TENM2: variants seen among roughly 807,000 people sequenced by gnomAD.
The protein encoded by TENM2 is teneurin-2.
Under a neutral mutation model 245.2 loss-of-function variants are expected in TENM2, and 52 were observed. That is an observed-to-expected ratio of 0.21 (90% CI 0.17 to 0.27). The LOEUF (loss-of-function observed/expected upper bound fraction) is 0.27, where lower values mean the gene tolerates loss of function less well. Ranked by LOEUF, TENM2 falls within the 10% of genes least tolerant of loss-of-function variation. The pLI is 1.00. For synonymous variants in TENM2, 1,363 were observed against 1,438.9 expected, an observed-to-expected ratio of 0.95 and a Z score of 1.19; for missense variants, 3,046 against 3,666.8, an observed-to-expected ratio of 0.83 and a Z score of 4.37.
chr5:168,060,368 C>T (rs748365979), intron 6 of TENM2, among the ~76,000 whole-genome samples: 13 of 152,172 alleles, frequency 8.5e-5, no homozygotes, highest in Admixed American at 2.6e-4. Flanking sequence ...GAGCTGAGAT[C>T]GTGCCACTGC....
chr5:167,204,132 G>A, the TENM2 span, among the ~76,000 whole-genome samples: 1 of 150,680 alleles, frequency 6.6e-6, no homozygotes, highest in East Asian at 2.0e-4. Flanking sequence ...ATTTGCTGCT[G>A]TTAGAGATTA....
chr5:168,198,811 A>G, intron 15 of TENM2, 42 bp from the exon 18 acceptor site: 1 of 1,597,144 alleles, frequency 6.3e-7, no homozygotes, highest in South Asian at 1.1e-5. Flanking sequence ...CTTGTCTAAA[A>G]GTGAGTCTAC....
At chr5:167,135,703 G>A in the TENM2 span, among the ~76,000 whole-genome samples, 1 of 152,144 alleles carries the variant, frequency 6.6e-6, no homozygotes, top group Non-Finnish European at 1.5e-5. Flanking sequence ...CTTGAACCCA[G>A]GCGGAGGTTG....
the TENM2 span, chr5:167,119,434 T>C: frequency 9.2e-5 from 14 of 152,168 alleles, no homozygotes; most frequent in East Asian, 1.9e-4. Flanking sequence ...ACACCTGAGA[T>C]TGGATAATAT....
intron 1 of TENM2, among the ~76,000 whole-genome samples, chr5:167,332,245 C>T (rs1356436313): frequency 6.6e-6 from 1 of 152,140 alleles, no homozygotes; most frequent in African/African-American, 2.4e-5. Context: ...TTTGTTGAGG[C>T]TCTATTTTCC....
At chr5:167,800,234 T>C (rs1765612031) in intron 2 of TENM2, among the ~76,000 whole-genome samples, 2 of 152,192 alleles carry the variant, frequency 1.3e-5, no homozygotes, top group Admixed American at 1.3e-4. Flanking sequence ...ATTTTCCTGG[T>C]TCCTGTTAGA....
intron 2 of TENM2, among the ~76,000 whole-genome samples, chr5:167,751,414 A>G (rs759222865): frequency 5.3e-5 from 8 of 152,214 alleles, no homozygotes; most frequent in Non-Finnish European, 1.0e-4. Context: ...GGCAGAGGAT[A>G]GCATGATAAT....
At chr5:167,696,050 A>G (rs1205059383) in intron 2 of TENM2, among the ~76,000 whole-genome samples, 1 of 147,466 alleles carries the variant, frequency 6.8e-6, no homozygotes, top group Non-Finnish European at 1.5e-5. Context: ...ACAAAAAAAC[A>G]AAAAAAAAAC....
At chr5:167,842,580 CAAAAAAAAAAAAAAAAA>C (rs1160974467) in intron 2 of TENM2, among the ~76,000 whole-genome samples, 21 of 45,332 alleles carry the variant, frequency 4.6e-4, no homozygotes, top group Middle Eastern at 0.037. Flanking sequence ...GACTCCATGT[CAAAAAAAAAAAAAAAAA>C]AAAAAAAAAA....
At chr5:167,691,242 T>A (rs1757414734) in intron 2 of TENM2, among the ~76,000 whole-genome samples, 1 of 152,166 alleles carries the variant, frequency 6.6e-6, no homozygotes, top group Admixed American at 6.5e-5. Flanking sequence ...AACCTTCATT[T>A]ACCTTTGGCC....
intron 2 of TENM2, among the ~76,000 whole-genome samples, chr5:167,721,758 T>C (rs879703907): frequency 9.9e-5 from 15 of 152,190 alleles, no homozygotes; most frequent in Non-Finnish European, 1.9e-4. Flanking sequence ...CTATGTAAAG[T>C]AACATATTCC....
At chr5:167,916,621 C>T (rs532597153) in intron 3 of TENM2, among the ~76,000 whole-genome samples, 2 of 152,162 alleles carry the variant, frequency 1.3e-5, no homozygotes, top group East Asian at 1.9e-4. Context: ...TCTCCCCCAG[C>T]CTTTGCCGAG....
intron 5 of TENM2, among the ~76,000 whole-genome samples, chr5:168,019,019 A>G (rs1325515099): frequency 6.6e-6 from 1 of 152,134 alleles, no homozygotes; most frequent in Non-Finnish European, 1.5e-5. Context: ...TAGAGGGGAG[A>G]TGGCATTTGA....
chr5:166,999,238 T>C, the TENM2 span, among the ~76,000 whole-genome samples: 1 of 152,146 alleles, frequency 6.6e-6, no homozygotes, highest in African/African-American at 2.4e-5. Context: ...ATATGGGATA[T>C]GGTTTTGAGA....
chr5:167,814,512 G>A (rs10043694), intron 2 of TENM2, among the ~76,000 whole-genome samples: 15,645 of 150,646 alleles, frequency 0.1, 2,769 homozygotes, highest in African/African-American at 0.36. Context: ...AGCAAAAAAG[G>A]ATAAAATTTT....
intron 2 of TENM2, chr5:167,573,928 T>TG (rs1774463102): frequency 7.4e-6 from 1 of 134,858 alleles, no homozygotes; most frequent in African/African-American, 2.8e-5. Context: ...AGGCGGGGGG[T>TG]GGACTTAGCA....
chr5:168,217,212 A>C (rs952748473), intron 22 of TENM2, among the ~76,000 whole-genome samples: 1 of 152,200 alleles, frequency 6.6e-6, no homozygotes, highest in Non-Finnish European at 1.5e-5. Context: ...CTGCTCTGTA[A>C]TTACCTCCCT....
At chr5:167,743,851 A>T (rs865926196) in intron 2 of TENM2, among the ~76,000 whole-genome samples, 1 of 152,208 alleles carries the variant, frequency 6.6e-6, no homozygotes, top group African/African-American at 2.4e-5. Flanking sequence ...TACTGACCTT[A>T]CCCCTCACTG....
chr5:167,077,564 T>C, the TENM2 span, among the ~76,000 whole-genome samples: 1 of 152,226 alleles, frequency 6.6e-6, no homozygotes, highest in Non-Finnish European at 1.5e-5. Flanking sequence ...TACATTATCA[T>C]AAAGAATATG....
Sources: allele counts gnomAD v4.1 joint callset (sites outside exome capture counted in the v4.1 genomes callset), GRCh38; gene constraint gnomAD v4.1.1; transcripts MANE v1.5; gene names NCBI Gene and HGNC (gene_info 2026-07-23, HGNC 2026-07-21).